Variants in SMARCC1 observed in about 807,000 individuals in gnomAD.
The protein encoded by SMARCC1 is SWI/SNF complex subunit SMARCC1.
SMARCC1 carries 43 observed loss-of-function variants against 147.4 expected under a neutral mutation model. The ratio of observed to expected loss-of-function variants is 0.29; its 90% CI spans 0.23 to 0.38. The LOEUF is 0.38. Among genes scored for constraint, SMARCC1 ranks in the 10% least tolerant of loss-of-function variants. The probability of loss-of-function intolerance (pLI) is 1.00; values close to 1 mark genes in which losing one functional copy is unlikely to be tolerated. For synonymous variants in SMARCC1, 495 were observed against 484.4 expected, an observed-to-expected ratio of 1.02 and a Z score of -0.29; for missense variants, 1,119 against 1,381.1, an observed-to-expected ratio of 0.81 and a Z score of 3.01.
At chr3:47,771,161 A>G (rs1296643373) in intron 2 of SMARCC1, among the ~76,000 whole-genome samples, 3 of 152,090 alleles carry the variant, frequency 2.0e-5, no homozygotes, top group Non-Finnish European at 4.4e-5. Flanking sequence ...CGCCCACCTC[A>G]GCCTCCCAAA....
intron 1 of SMARCC1, among the ~76,000 whole-genome samples, chr3:47,779,031 A>G (rs965376683): frequency 1.0e-4 from 15 of 150,412 alleles, no homozygotes; most frequent in Non-Finnish European, 1.8e-4. Flanking sequence ...GGTATCTTCC[A>G]TTTGAAAAAG....
In SMARCC1 at chr3:47,638,748, G is replaced by A. The variant is rs1559631870; in HGVS notation, c.2353C>T (p.Pro785Ser). The change falls in exon 22 of 28, where the codon CCT becomes TCT. Residue 785 changes from proline to serine, a missense_variant. Pro to Ser is a moderately conservative substitution (Grantham distance 74). Transcript: ENST00000254480. The stretch of plus-strand genomic sequence containing the variant: ...ACCTTTTCAGGCTGCTGACCATCAG[G>A]GTCGGCTTCCATTTTTTCCTCTTCA... ...GAEEEKMEADPDGQQPEKAEN... is the reference protein window; with the variant it reads ...GAEEEKMEADSDGQQPEKAEN... 6.2e-6 allele frequency: 10 copies of A among 1,613,254 alleles called. No individual in the cohort carries two copies. The highest frequency in any genetic ancestry group is 2.7e-5 in the African/African-American group (2 of 74,858).
At chr3:47,609,027 A>G (rs760328067) in intron 26 of SMARCC1, among the ~76,000 whole-genome samples, 23 of 152,132 alleles carry the variant, frequency 1.5e-4, no homozygotes, top group Non-Finnish European at 2.5e-4. Context: ...TCAACACATA[A>G]ATGGCACAAA....
chr3:47,726,081 A>AAAAAAAAAAAAAAAT (rs57153677), intron 6 of SMARCC1, among the ~76,000 whole-genome samples: 3 of 148,884 alleles, frequency 2.0e-5, no homozygotes, highest in Non-Finnish European at 1.5e-5. Context: ...AAAAAAAAAA[A>AAAAAAAAAAAAAAAT]GGTGAATTTC....
At chr3:47,605,493 C>T (rs1442821217) in intron 26 of SMARCC1, among the ~76,000 whole-genome samples, 3 of 152,126 alleles carry the variant, frequency 2.0e-5, no homozygotes, top group East Asian at 1.9e-4. Context: ...CAGATGTGGC[C>T]GGGCATGGTG....
intron 26 of SMARCC1, among the ~76,000 whole-genome samples, chr3:47,609,333 A>G (rs1305344210): frequency 6.6e-6 from 1 of 152,104 alleles, no homozygotes; most frequent in Non-Finnish European, 1.5e-5. Context: ...CGTCTCTACT[A>G]AAAATACAAA....
chr3:47,764,007 C>T (rs1164616307), intron 2 of SMARCC1, among the ~76,000 whole-genome samples: 3 of 151,976 alleles, frequency 2.0e-5, no homozygotes, highest in African/African-American at 7.2e-5. Flanking sequence ...GCATGAACCA[C>T]TGCACCCAGC....
intron 2 of SMARCC1, among the ~76,000 whole-genome samples, chr3:47,747,670 G>A (rs960566649): frequency 6.6e-6 from 1 of 151,532 alleles, no homozygotes; most frequent in African/African-American, 2.4e-5. Context: ...AAATCAAAAT[G>A]GTTCCAAAGA....
chr3:47,766,600 C>G (rs1270481990), intron 2 of SMARCC1, among the ~76,000 whole-genome samples: 1 of 151,976 alleles, frequency 6.6e-6, no homozygotes, highest in African/African-American at 2.4e-5. Flanking sequence ...ACAGCTCTAT[C>G]CTATTATTAC....
intron 1 of SMARCC1, among the ~76,000 whole-genome samples, chr3:47,780,166 TTG>T (rs1553693472): frequency 8.6e-6 from 1 of 115,828 alleles, no homozygotes; most frequent in Non-Finnish European, 1.7e-5. Flanking sequence ...TGGTTTTTTT[TTG>T]TTTTTTTTTT....
At chr3:47,661,256 T>C (rs1452832417) in intron 21 of SMARCC1, 38 bp downstream of exon 21, 3 of 1,536,854 alleles carry the variant, frequency 2.0e-6, no homozygotes, top group Non-Finnish European at 2.6e-6. Flanking sequence ...AATACAAACA[T>C]ATATTAACCC....
At chr3:47,757,659 C>A (rs1274078373) in intron 2 of SMARCC1, among the ~76,000 whole-genome samples, 6 of 151,600 alleles carry the variant, frequency 4.0e-5, no homozygotes, top group Non-Finnish European at 8.8e-5. Context: ...CAGCATGCAC[C>A]TGTAGTCCCA....
intron 21 of SMARCC1, among the ~76,000 whole-genome samples, chr3:47,639,446 G>A (rs1033916295): frequency 2.0e-5 from 3 of 152,264 alleles, no homozygotes; most frequent in South Asian, 4.1e-4. Context: ...AGGCATGGCC[G>A]CTCATGCCTG....
intron 26 of SMARCC1, among the ~76,000 whole-genome samples, chr3:47,606,601 A>C (rs2032480443): frequency 6.6e-6 from 1 of 152,236 alleles, no homozygotes; most frequent in African/African-American, 2.4e-5. Flanking sequence ...GTTAATGTGA[A>C]TATGATGCTT....
intron 5 of SMARCC1, among the ~76,000 whole-genome samples, chr3:47,735,218 T>A (rs1385004787): frequency 1.3e-5 from 2 of 152,032 alleles, no homozygotes; most frequent in Non-Finnish European, 2.9e-5. Context: ...CTGTGATACA[T>A]AATACACTAG....
At chr3:47,701,525 A>G (rs375411491) in intron 10 of SMARCC1, 123 bp from the exon 11 acceptor site, 1 of 957,376 alleles carries the variant, frequency 1.0e-6, no homozygotes, top group African/African-American at 1.7e-5. Flanking sequence ...TTTAAAAGAC[A>G]AACAGTAGGT....
chr3:47,660,339 G>A (rs764261449), intron 21 of SMARCC1, among the ~76,000 whole-genome samples: 5 of 151,216 alleles, frequency 3.3e-5, no homozygotes, highest in Non-Finnish European at 7.4e-5. Flanking sequence ...CCAGCTACTC[G>A]GGAGGCTGAA....
At chr3:47,749,223 G>C (rs1416288125) in intron 2 of SMARCC1, among the ~76,000 whole-genome samples, 1 of 152,120 alleles carries the variant, frequency 6.6e-6, no homozygotes, top group Non-Finnish European at 1.5e-5. Flanking sequence ...AGGATCACTT[G>C]AACCTGGGAG....
chr3:47,675,179 G>T (rs1456762595), intron 18 of SMARCC1, among the ~76,000 whole-genome samples: 1 of 152,106 alleles, frequency 6.6e-6, no homozygotes, highest in Admixed American at 6.5e-5. Context: ...TCTGCTGTAT[G>T]CAGTCGTTAT....
Sources: gnomAD v4.1 joint callset for allele counts (sites outside exome capture counted in the v4.1 genomes callset) on GRCh38, gnomAD v4.1.1 for gene constraint, MANE v1.5 for transcripts, NCBI Gene and HGNC (gene_info 2026-07-23, HGNC 2026-07-21) for gene names.